FBXL17: variants seen among roughly 807,000 people sequenced by gnomAD.
FBXL17 encodes the protein F-box/LRR-repeat protein 17.
In FBXL17, 22 loss-of-function variants were observed where a neutral mutation model predicts 66.2. The ratio of observed to expected loss-of-function variants is 0.33; its 90% CI spans 0.24 to 0.47. The LOEUF (loss-of-function observed/expected upper bound fraction) is 0.47. Ranked by LOEUF, FBXL17 falls within the 20% of genes least tolerant of loss-of-function variation. FBXL17 has a pLI of 1.00. For missense variants in FBXL17, 878 were observed against 948.2 expected, an observed-to-expected ratio of 0.93 and a Z score of 0.97; for synonymous variants, 474 against 400.5, an observed-to-expected ratio of 1.18 and a Z score of -2.19.
intron 5 of FBXL17, among the ~76,000 whole-genome samples, chr5:108,206,126 C>G (rs774602792): frequency 3.3e-5 from 5 of 152,010 alleles, no homozygotes; most frequent in Non-Finnish European, 5.9e-5. Context: ...ATCATTGCCT[C>G]GGTCCATTAT....
intron 4 of FBXL17, among the ~76,000 whole-genome samples, chr5:108,242,373 G>GTTA (rs748183343): frequency 7.7e-4 from 116 of 151,620 alleles, no homozygotes; most frequent in Non-Finnish European, 1.0e-3. Flanking sequence ...TGTTGTTGTT[G>GTTA]TTGTTGTTGT....
chr5:108,379,035 C>A (rs1190705724), intron 1 of FBXL17, among the ~76,000 whole-genome samples: 1 of 152,186 alleles, frequency 6.6e-6, no homozygotes, highest in Non-Finnish European at 1.5e-5. Flanking sequence ...TGGTAATTCC[C>A]ATATGTCCTT....
At chr5:108,295,908 T>C (rs1758328507) in intron 4 of FBXL17, among the ~76,000 whole-genome samples, 1 of 149,054 alleles carries the variant, frequency 6.7e-6, no homozygotes, top group African/African-American at 2.5e-5. Flanking sequence ...TAGATAGCCA[T>C]TAAAGAATCT....
At chr5:108,013,580 T>C (rs560704364) in intron 7 of FBXL17, among the ~76,000 whole-genome samples, 1 of 152,300 alleles carries the variant, frequency 6.6e-6, no homozygotes, top group South Asian at 2.1e-4. Context: ...CAACATGTCA[T>C]AGGCAGAAAA....
chr5:108,371,031 G>A (rs571630520), intron 1 of FBXL17, among the ~76,000 whole-genome samples: 3 of 152,046 alleles, frequency 2.0e-5, no homozygotes, highest in Non-Finnish European at 4.4e-5. Flanking sequence ...AAATGCACAG[G>A]AGGTAAAAAT....
chr5:108,105,947 T>C (rs572974939), intron 6 of FBXL17, among the ~76,000 whole-genome samples: 8 of 152,302 alleles, frequency 5.3e-5, no homozygotes, highest in African/African-American at 1.9e-4. Flanking sequence ...AATCTGATCT[T>C]CTAATATATT....
At chr5:108,141,162 T>C (rs867565868) in intron 6 of FBXL17, among the ~76,000 whole-genome samples, 4 of 152,308 alleles carry the variant, frequency 2.6e-5, no homozygotes, top group Non-Finnish European at 4.4e-5. Context: ...GTGTTCCTTC[T>C]ACAGCCTGGT....
intron 7 of FBXL17, among the ~76,000 whole-genome samples, chr5:107,978,237 T>C (rs1187312907): frequency 6.6e-6 from 1 of 151,908 alleles, no homozygotes; most frequent in Non-Finnish European, 1.5e-5. Flanking sequence ...CCTTCACTCA[T>C]TCCTGGATGT....
intron 4 of FBXL17, among the ~76,000 whole-genome samples, chr5:108,296,989 T>C (rs1406368561): frequency 6.6e-6 from 1 of 151,404 alleles, no homozygotes; most frequent in Admixed American, 6.6e-5. Context: ...TAAAAAGTAT[T>C]TTATTATCTT....
At chr5:108,169,920 A>G (rs1752544632) in intron 6 of FBXL17, among the ~76,000 whole-genome samples, 1 of 152,184 alleles carries the variant, frequency 6.6e-6, no homozygotes, top group African/African-American at 2.4e-5. Flanking sequence ...AAAAGTCACA[A>G]TTCCTGGCTA....
chr5:108,122,873 G>C (rs1356449958), intron 6 of FBXL17, among the ~76,000 whole-genome samples: 1 of 151,896 alleles, frequency 6.6e-6, no homozygotes, highest in Non-Finnish European at 1.5e-5. Context: ...CATGTTCCTC[G>C]CAGTCACCTC....
At chr5:108,060,912 A>T (rs1239261587) in intron 6 of FBXL17, among the ~76,000 whole-genome samples, 1 of 152,092 alleles carries the variant, frequency 6.6e-6, no homozygotes, top group Non-Finnish European at 1.5e-5. Flanking sequence ...TTCCCCACAG[A>T]TGCAGTGTAA....
At chr5:107,952,120 A>C (rs947482451) in intron 7 of FBXL17, among the ~76,000 whole-genome samples, 13 of 152,130 alleles carry the variant, frequency 8.5e-5, no homozygotes, top group Non-Finnish European at 1.9e-4. Context: ...TTAAAAAAAA[A>C]ACTCCTTTAG....
intron 4 of FBXL17, among the ~76,000 whole-genome samples, chr5:108,340,952 T>C (rs896188888): frequency 6.6e-6 from 1 of 152,152 alleles, no homozygotes; most frequent in African/African-American, 2.4e-5. Flanking sequence ...TGACATGATA[T>C]AGAAAAATTT....
chr5:108,122,669 C>G (rs1262134186), intron 6 of FBXL17, among the ~76,000 whole-genome samples: 1 of 152,146 alleles, frequency 6.6e-6, no homozygotes, highest in East Asian at 1.9e-4. Flanking sequence ...AAAAGCAAGA[C>G]ATTGAGTAAC....
chr5:108,074,940 T>C (rs138484991), intron 6 of FBXL17, among the ~76,000 whole-genome samples: 20 of 152,324 alleles, frequency 1.3e-4, no homozygotes, highest in African/African-American at 4.8e-4. Flanking sequence ...AAAGGCATGA[T>C]TTAAACACTT....
intron 7 of FBXL17, among the ~76,000 whole-genome samples, chr5:107,897,138 G>A (rs112253021): frequency 0.012 from 1,850 of 152,054 alleles, 45 homozygotes; most frequent in African/African-American, 0.041. Flanking sequence ...ACCAAGAGGC[G>A]GCAGAGTTCC....
intron 6 of FBXL17, among the ~76,000 whole-genome samples, chr5:108,151,747 A>G (rs573924062): frequency 6.6e-6 from 1 of 152,368 alleles, no homozygotes; most frequent in Admixed American, 6.5e-5. Flanking sequence ...GTTTCCATTT[A>G]CATTTTTACC....
Position 108,380,920 on chromosome 5 carries a change from G to A in FBXL17, c.772C>T (p.Leu258Phe), listed in dbSNP as rs1749825675. Reference protein sequence around the residue: ...CQAPEQPPQPLCPPPSSPTSE... With the variant: ...CQAPEQPPQPFCPPPSSPTSE... ...GTGGGAGAAGAGGGCGGAGGGCAGA[G>A]CGGCTGCGGGGGCTGCTCCGGGGCC... The change falls in exon 1 of 9, where the codon CTC becomes TTC. Residue 258 changes from leucine to phenylalanine, a missense_variant. Physicochemically the swap from Leu to Phe is conservative, Grantham distance 22. Around this residue, in one of 4 missense-constraint regions of FBXL17, gnomAD observed 605 missense variants for 509.5 expected, o/e 1.19. Transcript: ENST00000542267. 3.3e-6 allele frequency: 4 copies of A among 1,224,924 alleles called. No homozygotes were observed. The African/African-American group carries it at 6.2e-5, about 19-fold the overall frequency. The allele number at this position is 1,224,924 out of a possible 1,614,324, so 75.9% of individuals were successfully genotyped here.
Sources: allele counts gnomAD v4.1 joint callset (sites outside exome capture counted in the v4.1 genomes callset), GRCh38; gene constraint gnomAD v4.1.1; regional missense constraint gnomAD v4.1.1; transcripts MANE v1.5; gene names NCBI Gene and HGNC (gene_info 2026-07-23, HGNC 2026-07-21).